Variants in PPP2R5C observed in about 807,000 individuals in gnomAD.
PPP2R5C encodes the protein serine/threonine-protein phosphatase 2A 56 kDa regulatory subunit gamma isoform.
PPP2R5C carries 7 observed loss-of-function variants against 68.9 expected under a neutral mutation model. That is an observed-to-expected ratio of 0.10 (90% confidence interval 0.06 to 0.19). PPP2R5C has a LOEUF of 0.19. Among genes scored for constraint, PPP2R5C ranks in the 10% least tolerant of loss-of-function variants. PPP2R5C has a pLI of 1.00. For missense variants in PPP2R5C, 348 were observed against 641.3 expected (o/e 0.54, Z 4.94); for synonymous variants, 210 against 222.2 (o/e 0.95, Z 0.49).
intron 1 of PPP2R5C, among the ~76,000 whole-genome samples, chr14:101,847,682 T>TC (rs1555391185): frequency 6.7e-6 from 1 of 149,866 alleles, no homozygotes; most frequent in Non-Finnish European, 1.5e-5. Context: ...TTTTTTTTTT[T>TC]CCTGAGACGG....
intron 2 of PPP2R5C, among the ~76,000 whole-genome samples, chr14:101,778,219 T>C (rs1172824242): frequency 6.6e-6 from 1 of 152,228 alleles, no homozygotes. Context: ...TGTATATCTT[T>C]TTTGGTGAAA....
At chr14:101,799,651 C>T (rs2038774113) in intron 3 of PPP2R5C, among the ~76,000 whole-genome samples, 1 of 152,170 alleles carries the variant, frequency 6.6e-6, no homozygotes, top group Admixed American at 6.5e-5. Flanking sequence ...CCCAGTTGAA[C>T]TCTGATAGCT....
At chr14:101,866,074 T>C (rs893014612) in intron 2 of PPP2R5C, among the ~76,000 whole-genome samples, 4 of 152,190 alleles carry the variant, frequency 2.6e-5, no homozygotes, top group African/African-American at 7.2e-5. Context: ...TTTGTATTTT[T>C]AATAGAGACA....
chr14:101,832,549 C>T (rs1200257785), intron 1 of PPP2R5C, among the ~76,000 whole-genome samples: 1 of 152,106 alleles, frequency 6.6e-6, no homozygotes, highest in Non-Finnish European at 1.5e-5. Flanking sequence ...CCAGGGTGGG[C>T]GACTCTGGGT....
At chr14:101,783,439 A>T (rs2037932680) in intron 2 of PPP2R5C, among the ~76,000 whole-genome samples, 1 of 151,298 alleles carries the variant, frequency 6.6e-6, no homozygotes, top group African/African-American at 2.4e-5. Context: ...TGGTGGGAGC[A>T]CCAGGTCACG....
At chr14:101,812,367 G>A (rs1421499273) in intron 1 of PPP2R5C, among the ~76,000 whole-genome samples, 1 of 152,126 alleles carries the variant, frequency 6.6e-6, no homozygotes, top group Non-Finnish European at 1.5e-5. Context: ...AAGGAACCAA[G>A]GAGGGCTGCA....
At chr14:101,854,729 G>C (rs2042323977) in intron 1 of PPP2R5C, among the ~76,000 whole-genome samples, 1 of 152,186 alleles carries the variant, frequency 6.6e-6, no homozygotes, top group Admixed American at 6.5e-5. Context: ...TCTGCAGGAC[G>C]TGAAAGAGCA....
intron 2 of PPP2R5C, among the ~76,000 whole-genome samples, chr14:101,864,349 C>T (rs1051555676): frequency 9.9e-5 from 15 of 152,116 alleles, no homozygotes; most frequent in African/African-American, 3.6e-4. Flanking sequence ...CCACTGAGAA[C>T]GCAACCTGGT....
chr14:101,811,568 C>T (rs546274613), intron 1 of PPP2R5C, among the ~76,000 whole-genome samples: 2 of 152,168 alleles, frequency 1.3e-5, no homozygotes, highest in South Asian at 4.1e-4. Context: ...GTCTTGAACT[C>T]CTGGGCTCAA....
chr14:101,926,263 A>C (rs1249097386), exon 14 of PPP2R5C: 1 of 152,496 alleles, frequency 6.6e-6, no homozygotes, highest in East Asian at 1.9e-4. Flanking sequence ...CGGGGCCGGC[A>C]CTGCCGCTGC....
exon 9 of PPP2R5C, chr14:101,901,885 T>A: frequency 6.2e-7 from 1 of 1,614,024 alleles, no homozygotes; most frequent in Non-Finnish European, 8.5e-7. Flanking sequence ...AGCCCACACT[T>A]CCAGGTATGT....
At chr14:101,814,048 T>A (rs1040352325) in intron 1 of PPP2R5C, among the ~76,000 whole-genome samples, 3 of 152,202 alleles carry the variant, frequency 2.0e-5, no homozygotes, top group Admixed American at 6.5e-5. Context: ...ACAATAGCTA[T>A]ACATAATGCA....
chr14:101,852,799 C>CT lies in PPP2R5C; in HGVS notation c.95-3884dup, dbSNP rs1336121822. 5.3e-5 allele frequency among the ~76,000 whole-genome samples: 8 copies of CT among 152,120 alleles called. 1 individual carries two copies. Among genetic ancestry groups the CT allele is most frequent in the Admixed American group, 1.3e-4 (2 of 15,262 alleles). On this transcript the variant is annotated intron_variant, in intron 1 of 13. Transcript: ENST00000334743. ...AATAGCACATTCTTATCTCCACCTT[C>CT]TTTCTGTCATTTTGGATGCCCTGGG...
chr14:101,920,378 T>G (rs868833851), intron 13 of PPP2R5C, among the ~76,000 whole-genome samples: 3 of 152,218 alleles, frequency 2.0e-5, no homozygotes, highest in Non-Finnish European at 2.9e-5. Context: ...CGTGTCTACT[T>G]GTAAATACAC....
chr14:101,845,411 T>C (rs1349109350), intron 1 of PPP2R5C, among the ~76,000 whole-genome samples: 1 of 152,190 alleles, frequency 6.6e-6, no homozygotes, highest in Non-Finnish European at 1.5e-5. Flanking sequence ...TCTCCTGGCC[T>C]TTGCCTATTT....
chr14:101,918,025 T>G, intron 13 of PPP2R5C, 78 bp downstream of exon 15: 1 of 1,591,534 alleles, frequency 6.3e-7, no homozygotes, highest in Admixed American at 1.7e-5. Context: ...GCGATGTGAT[T>G]TGCATCAGTG....
intron 2 of PPP2R5C, among the ~76,000 whole-genome samples, chr14:101,864,733 G>C (rs2042953674): frequency 6.6e-6 from 1 of 152,170 alleles, no homozygotes; most frequent in Admixed American, 6.5e-5. Flanking sequence ...GAGAAAGTAA[G>C]ACGTGTTTGG....
In PPP2R5C at chr14:101,916,167, G is replaced by T. The variant is rs1237905349; in HGVS notation, c.1327-1664G>T. Reference sequence around the variant, plus strand: ...GCATTTTTGCAAGCTCTTTGGCGCAGCATGGATGGAGTGCTGGGGCTGTCG... The same window carrying T: ...GCATTTTTGCAAGCTCTTTGGCGCATCATGGATGGAGTGCTGGGGCTGTCG... On this transcript the variant is annotated intron_variant, in intron 12 of 13. Transcript: ENST00000334743. The surrounding 1 kb of genome is among the most constrained non-coding windows in gnomAD (Gnocchi z 5.5). Among the ~76,000 whole-genome samples the T allele has an allele frequency of 1.3e-5, 2 of 152,232 alleles. No homozygotes were observed. The highest frequency in any genetic ancestry group is 2.9e-5 in the Non-Finnish European group (2 of 68,044).
chr14:101,841,588 C>T (rs1362539890), intron 1 of PPP2R5C, among the ~76,000 whole-genome samples: 1 of 152,228 alleles, frequency 6.6e-6, no homozygotes, highest in African/African-American at 2.4e-5. Context: ...GGTCAGTCCT[C>T]ACCTGAGGAG....
Sources: gnomAD v4.1 joint callset for allele counts (sites outside exome capture counted in the v4.1 genomes callset) on GRCh38, gnomAD v4.1.1 for gene constraint, Gnocchi (gnomAD v3.1) non-coding constraint, MANE v1.5 for transcripts, NCBI Gene and HGNC (gene_info 2026-07-23, HGNC 2026-07-21) for gene names.